PLCXD3: variants seen among roughly 807,000 people sequenced by gnomAD.
PLCXD3 encodes phosphatidylinositol specific phospholipase C X domain containing 3.
Under a neutral mutation model 25.5 loss-of-function variants are expected in PLCXD3, and 19 were observed. That is an observed-to-expected ratio of 0.75 (90% CI 0.52 to 1.09). PLCXD3 has a LOEUF of 1.09. Ranked by LOEUF, PLCXD3 falls within the 50% of genes least tolerant of loss-of-function variation. The pLI, the probability that PLCXD3 is intolerant of heterozygous loss-of-function variation, is 0.00. For synonymous variants in PLCXD3, 174 were observed against 137.6 expected, an observed-to-expected ratio of 1.26 and a Z score of -1.85; for missense variants, 411 against 388.1, an observed-to-expected ratio of 1.06 and a Z score of -0.50.
chr5:41,505,334 T>C (rs1749032917), intron 1 of PLCXD3, among the ~76,000 whole-genome samples: 1 of 152,184 alleles, frequency 6.6e-6, no homozygotes, highest in African/African-American at 2.4e-5. Flanking sequence ...GTACTCCATG[T>C]AAGCTATGCT....
chr5:41,316,524 G>A (rs1284088135), intron 2 of PLCXD3, among the ~76,000 whole-genome samples: 2 of 152,168 alleles, frequency 1.3e-5, no homozygotes, highest in Non-Finnish European at 2.9e-5. Flanking sequence ...TACCAACACT[G>A]CCATGGTTGC....
intron 1 of PLCXD3, among the ~76,000 whole-genome samples, chr5:41,487,318 G>A (rs917493176): frequency 6.6e-6 from 1 of 152,032 alleles, no homozygotes; most frequent in Non-Finnish European, 1.5e-5. Flanking sequence ...CTTCTTGAAA[G>A]ATTTTGAAAA....
At chr5:41,368,472 C>T (rs1033607896) in intron 2 of PLCXD3, among the ~76,000 whole-genome samples, 14 of 152,128 alleles carry the variant, frequency 9.2e-5, no homozygotes, top group Admixed American at 9.2e-4. Context: ...AGGATTATGC[C>T]ATCCACAAAC....
intron 2 of PLCXD3, among the ~76,000 whole-genome samples, chr5:41,347,304 A>T (rs1239749060): frequency 3.9e-5 from 6 of 152,210 alleles, no homozygotes; most frequent in Non-Finnish European, 8.8e-5. Context: ...TTAGAAAAAA[A>T]TTCTTTACCT....
chr5:41,490,798 T>C lies in PLCXD3; in HGVS notation c.103+19626A>G, dbSNP rs547969718. Among the ~76,000 whole-genome samples the C allele has an allele frequency of 2.6e-5, 4 of 152,366 alleles. No individual in the cohort carries two copies. In the East Asian group the frequency reaches 7.7e-4, roughly 29 times the overall value. On this transcript the variant is annotated intron_variant, in intron 1 of 2. Coordinates refer to ENST00000377801, the MANE Select transcript of PLCXD3 (RefSeq NM_001005473.3). ...TGGTGATATCCCCTTTGTCATTTTTTACTGCATCTATTTGATTCTTCTCTC... is the reference window on the plus strand; with the variant it reads ...TGGTGATATCCCCTTTGTCATTTTTCACTGCATCTATTTGATTCTTCTCTC...
Position 41,403,398 on chromosome 5 carries a change from G to GTT in PLCXD3, c.104-20866_104-20865dup, listed in dbSNP as rs764950342. ...GCCATTTACCCAGATTGACTTATTT[G>GTT]TTGTTTTTTTTTTTTTTTATTATAC... On this transcript the variant is annotated intron_variant, in intron 1 of 2. Transcript: ENST00000377801. Among the ~76,000 whole-genome samples, 4 of 33,996 alleles carry GTT rather than the reference G, an allele frequency of 1.2e-4. 1 individual carries two copies. The highest frequency in any genetic ancestry group is 5.6e-4 in the Admixed American group (2 of 3,582). 22.3% of individuals were successfully genotyped at this position (33,996 alleles called of 152,430 possible). A position where few individuals can be genotyped will look rare whatever the true frequency, so the allele number is the denominator to read the frequency against.
chr5:41,447,978 A>G (rs761268771), intron 1 of PLCXD3, among the ~76,000 whole-genome samples: 10 of 152,226 alleles, frequency 6.6e-5, no homozygotes, highest in Non-Finnish European at 1.2e-4. Flanking sequence ...AATGCCACCA[A>G]TCATTCATAG....
intron 1 of PLCXD3, among the ~76,000 whole-genome samples, chr5:41,428,243 T>C (rs1158988279): frequency 6.6e-6 from 1 of 152,108 alleles, no homozygotes; most frequent in Non-Finnish European, 1.5e-5. Flanking sequence ...GTATTAAAAA[T>C]ATTATTTCAA....
chr5:41,395,330 C>G (rs909677097), intron 1 of PLCXD3, among the ~76,000 whole-genome samples: 1 of 151,736 alleles, frequency 6.6e-6, no homozygotes, highest in Admixed American at 6.6e-5. Context: ...AAAATTAGTA[C>G]TAAGATGGAA....
At chr5:41,354,985 C>T (rs1425189673) in intron 2 of PLCXD3, among the ~76,000 whole-genome samples, 2 of 152,134 alleles carry the variant, frequency 1.3e-5, no homozygotes, top group East Asian at 3.9e-4. Flanking sequence ...GAAGTTTCCC[C>T]AAATGGTATG....
chr5:41,391,164 C>G, intron 1 of PLCXD3, among the ~76,000 whole-genome samples: 1 of 152,104 alleles, frequency 6.6e-6, no homozygotes, highest in East Asian at 1.9e-4. Flanking sequence ...TCAGGCAAGT[C>G]CTATAGCTGA....
chr5:41,440,866 CA>C (rs1190673091), intron 1 of PLCXD3, among the ~76,000 whole-genome samples: 2 of 152,122 alleles, frequency 1.3e-5, no homozygotes, highest in African/African-American at 4.8e-5. Context: ...TCAACAAGTG[CA>C]GTTGTGACTT....
In PLCXD3 at chr5:41,382,544, T is replaced by A. The variant is rs1409850796; in HGVS notation, c.104-10A>T. The stretch of plus-strand genomic sequence containing the variant: ...AAGGAATCATGAGACCCTAGGAGAA[T>A]AACAAGGCATAGTGTGGTTAATTTC... On this transcript the variant is annotated splice_polypyrimidine_tract_variant and intron_variant, in intron 1 of 2. Coordinates refer to ENST00000377801, the MANE Select transcript of PLCXD3 (RefSeq NM_001005473.3). 6.4e-7 allele frequency: 1 copy of A among 1,573,762 alleles called. No individual in the cohort carries two copies. Among genetic ancestry groups the A allele is most frequent in the Non-Finnish European group, 8.6e-7 (1 of 1,162,900 alleles).
intron 2 of PLCXD3, among the ~76,000 whole-genome samples, chr5:41,373,109 C>T (rs1205296308): frequency 6.6e-6 from 1 of 151,914 alleles, no homozygotes; most frequent in African/African-American, 2.4e-5. Context: ...GGACATGCCT[C>T]GTTATACCCC....
At chr5:41,336,112 T>C (rs1317167993) in intron 2 of PLCXD3, among the ~76,000 whole-genome samples, 3 of 152,288 alleles carry the variant, frequency 2.0e-5, no homozygotes, top group African/African-American at 7.2e-5. Context: ...TAATAACATG[T>C]GGCCTTTGGA....
intron 1 of PLCXD3, among the ~76,000 whole-genome samples, chr5:41,476,271 G>C (rs1006234367): frequency 2.0e-5 from 3 of 152,124 alleles, no homozygotes; most frequent in Admixed American, 2.0e-4. Context: ...CCTTAGAAAG[G>C]CTTTATTACA....
In PLCXD3 at chr5:41,370,302, A is replaced by C. The variant is rs566726863; in HGVS notation, c.812+11524T>G. Among the ~76,000 whole-genome samples the C allele has an allele frequency of 8.5e-5, 13 of 152,128 alleles. No homozygotes were observed. In the East Asian group the frequency reaches 1.9e-3, roughly 23 times the overall value. On this transcript the variant is annotated intron_variant, in intron 2 of 2. Coordinates refer to ENST00000377801, the MANE Select transcript of PLCXD3 (RefSeq NM_001005473.3). The stretch of plus-strand genomic sequence containing the variant: ...CAGAAGATCTGTGCTGTAATCAACA[A>C]AGCCAAATATTAGTGCCTGCAATTG...
At chr5:41,387,312 G>A (rs62360567) in intron 1 of PLCXD3, among the ~76,000 whole-genome samples, 5,961 of 152,122 alleles carry the variant, frequency 0.039, 197 homozygotes, top group Non-Finnish European at 0.057. Flanking sequence ...TCTGATTCTA[G>A]CATGATCCTG....
chr5:41,430,017 G>T (rs1472235802), intron 1 of PLCXD3, among the ~76,000 whole-genome samples: 2 of 152,220 alleles, frequency 1.3e-5, no homozygotes, highest in East Asian at 1.9e-4. Flanking sequence ...AGTTACCAAG[G>T]CATCTCCCAA....
Sources: gnomAD v4.1 joint callset for allele counts (sites outside exome capture counted in the v4.1 genomes callset) on GRCh38, gnomAD v4.1.1 for gene constraint, MANE v1.5 for transcripts, NCBI Gene and HGNC (gene_info 2026-07-23, HGNC 2026-07-21) for gene names.